LRP1B: variants seen among roughly 807,000 people sequenced by gnomAD.
LRP1B encodes the protein LDL receptor related protein 1B.
LRP1B carries 217 observed loss-of-function variants against 556.6 expected under a neutral mutation model. The observed-to-expected ratio is 0.39, with a 90% CI of 0.35 to 0.44. The LOEUF (loss-of-function observed/expected upper bound fraction) is 0.44, where lower values mean the gene tolerates loss of function less well. LRP1B is among the 20% of genes least tolerant of loss of function. The probability of loss-of-function intolerance (pLI) is 1.00; values close to 1 mark genes in which losing one functional copy is unlikely to be tolerated. For synonymous variants in LRP1B, 2,047 were observed against 1,865.8 expected, an observed-to-expected ratio of 1.10 and a Z score of -2.50; for missense variants, 5,053 against 5,620.8, an observed-to-expected ratio of 0.90 and a Z score of 3.23.
chr2:142,096,585 T>G (rs1706378393), intron 1 of LRP1B, among the ~76,000 whole-genome samples: 1 of 151,604 alleles, frequency 6.6e-6, no homozygotes, highest in African/African-American at 2.4e-5. Context: ...GAATACAAAA[T>G]TCAATCTAAT....
At chr2:141,429,166 G>GT (rs5834827) in intron 3 of LRP1B, among the ~76,000 whole-genome samples, 69,674 of 151,878 alleles carry the variant, frequency 0.46, 16,131 homozygotes, top group South Asian at 0.6. Flanking sequence ...CAGCAACTCT[G>GT]TTGTTTCTGC....
At chr2:141,764,316 G>A (rs1694664242) in intron 2 of LRP1B, among the ~76,000 whole-genome samples, 1 of 152,084 alleles carries the variant, frequency 6.6e-6, no homozygotes, top group Non-Finnish European at 1.5e-5. Context: ...AAGTAGCTGG[G>A]ACTACAGGCG....
intron 37 of LRP1B, 28 bp downstream of exon 37, chr2:140,715,945 G>C (rs1472442454): frequency 2.0e-6 from 3 of 1,514,364 alleles, no homozygotes; most frequent in Non-Finnish European, 2.7e-6. Flanking sequence ...CATAAAACTT[G>C]GAAGATATAC....
intron 2 of LRP1B, among the ~76,000 whole-genome samples, chr2:141,652,900 G>T (rs1689853642): frequency 6.6e-6 from 1 of 152,124 alleles, no homozygotes; most frequent in Non-Finnish European, 1.5e-5. Context: ...GGCTTCCTGT[G>T]ATTCCTTCAT....
At chr2:140,931,669 C>T (rs999830891) in intron 20 of LRP1B, among the ~76,000 whole-genome samples, 3 of 152,086 alleles carry the variant, frequency 2.0e-5, no homozygotes, top group Non-Finnish European at 4.4e-5. Flanking sequence ...TTCTAAGTAT[C>T]ACCCAAGTTA....
chr2:141,601,148 G>A (rs1038815480), intron 2 of LRP1B, among the ~76,000 whole-genome samples: 3 of 152,074 alleles, frequency 2.0e-5, no homozygotes, highest in African/African-American at 4.8e-5. Flanking sequence ...AAAAACTCAG[G>A]AAGCTTTTAA....
intron 6 of LRP1B, among the ~76,000 whole-genome samples, chr2:141,200,806 G>A (rs543648253): frequency 9.2e-5 from 14 of 152,196 alleles, no homozygotes; most frequent in South Asian, 2.1e-4. Context: ...ATTCACTGCC[G>A]TTATTTCCAA....
At chr2:141,198,501 T>C (rs1209101299) in intron 6 of LRP1B, among the ~76,000 whole-genome samples, 1 of 152,158 alleles carries the variant, frequency 6.6e-6, no homozygotes, top group Non-Finnish European at 1.5e-5. Context: ...TGTGCATGTC[T>C]TTCTTGGAAA....
intron 1 of LRP1B, among the ~76,000 whole-genome samples, chr2:141,827,491 G>T (rs1368839916): frequency 6.6e-6 from 1 of 152,076 alleles, no homozygotes; most frequent in African/African-American, 2.4e-5. Flanking sequence ...TAAGACCTTA[G>T]GTATGATCTT....
intron 66 of LRP1B, among the ~76,000 whole-genome samples, chr2:140,423,553 A>T (rs936625592): frequency 1.3e-5 from 2 of 152,144 alleles, no homozygotes; most frequent in African/African-American, 2.4e-5. Context: ...AATTAAAAAG[A>T]ATAATTTATA....
intron 3 of LRP1B, among the ~76,000 whole-genome samples, chr2:141,342,015 C>T (rs181540962): frequency 3.3e-5 from 5 of 151,876 alleles, no homozygotes; most frequent in Admixed American, 2.0e-4. Flanking sequence ...GAGGCCGAGG[C>T]GGGCGGATCA....
chr2:141,782,204 T>C (rs77252652), intron 2 of LRP1B, among the ~76,000 whole-genome samples: 338 of 152,264 alleles, frequency 2.2e-3, no homozygotes, highest in African/African-American at 7.6e-3. Context: ...GATTGAAAGA[T>C]GCTTTTAATG....
At chr2:140,716,580 A>C in intron 36 of LRP1B, 102 bp downstream of exon 36, 1 of 1,202,392 alleles carries the variant, frequency 8.3e-7, no homozygotes, top group Non-Finnish European at 1.1e-6. Context: ...TAGAAGTACA[A>C]ATAAAAGCAC....
At chr2:142,021,914 T>C (rs796246428) in intron 1 of LRP1B, among the ~76,000 whole-genome samples, 6 of 152,288 alleles carry the variant, frequency 3.9e-5, no homozygotes, top group African/African-American at 1.4e-4. Flanking sequence ...ATGATATTTG[T>C]CCTTGTTAAG....
At chr2:141,152,430 T>C (rs966669523) in intron 7 of LRP1B, among the ~76,000 whole-genome samples, 2 of 151,706 alleles carry the variant, frequency 1.3e-5, no homozygotes, top group African/African-American at 4.8e-5. Flanking sequence ...CAGGAAAAAA[T>C]TATTCCAAAT....
intron 3 of LRP1B, among the ~76,000 whole-genome samples, chr2:141,459,972 T>G (rs1681796686): frequency 6.6e-6 from 1 of 152,154 alleles, no homozygotes; most frequent in South Asian, 2.1e-4. Flanking sequence ...TGTGTCACCA[T>G]AGTAAAAATT....
chr2:140,679,955 C>T (rs114326504), intron 41 of LRP1B, among the ~76,000 whole-genome samples: 3,240 of 151,484 alleles, frequency 0.021, 42 homozygotes, highest in Middle Eastern at 0.034. Context: ...ATTTAATTTA[C>T]TTATTTATTT....
chr2:141,844,996 C>A (rs1697595930), intron 1 of LRP1B, among the ~76,000 whole-genome samples: 1 of 151,522 alleles, frequency 6.6e-6, no homozygotes, highest in African/African-American at 2.4e-5. Flanking sequence ...TTTCTCTTGT[C>A]AAAAACTTAA....
chr2:140,636,748 T>C (rs963363424), intron 41 of LRP1B, among the ~76,000 whole-genome samples: 8 of 152,206 alleles, frequency 5.3e-5, no homozygotes, highest in African/African-American at 1.9e-4. Context: ...ACAAATAATA[T>C]TACACATTAT....
Sources: allele counts gnomAD v4.1 joint callset (sites outside exome capture counted in the v4.1 genomes callset), GRCh38; gene constraint gnomAD v4.1.1; transcripts MANE v1.5; gene names NCBI Gene and HGNC (gene_info 2026-07-23, HGNC 2026-07-21).